IL31RA: variants seen among roughly 807,000 people sequenced by gnomAD.
The protein encoded by IL31RA is interleukin-31 receptor subunit alpha.
Under a neutral mutation model 83.7 loss-of-function variants are expected in IL31RA, and 66 were observed. The observed-to-expected ratio is 0.79, with a 90% confidence interval of 0.65 to 0.97. The LOEUF is 0.97. IL31RA is among the 50% of genes least tolerant of loss of function. The pLI is 0.00. For missense variants in IL31RA, 798 were observed against 919.4 expected, an observed-to-expected ratio of 0.87 and a Z score of 1.71; for synonymous variants, 325 against 329.0, an observed-to-expected ratio of 0.99 and a Z score of 0.13.
chr5:55,916,601 G>T, intron 14 of IL31RA, 43 bp from the exon 15 acceptor site: 1 of 1,550,604 alleles, frequency 6.4e-7, no homozygotes, highest in South Asian at 1.1e-5. Flanking sequence ...TGTCATATGT[G>T]ACTCCTAAAT....
chr5:55,899,837 A>G lies in IL31RA; in HGVS notation c.853-79A>G, dbSNP rs567937610. The G allele has an allele frequency of 5.3e-5, 50 of 952,282 alleles. No individual in the cohort carries two copies. The South Asian group carries it at 6.6e-4, about 13-fold the overall frequency. 59.0% of individuals were successfully genotyped at this position (952,282 alleles called of 1,614,324 possible). A position where few individuals can be genotyped will look rare whatever the true frequency, so the allele number is the denominator to read the frequency against. The stretch of plus-strand genomic sequence containing the variant: ...ATAGTTAGCCTTATTCCCCACCCTC[A>G]CCCCCACCGCTTCTCACTGTCTCAA... On this transcript the variant is annotated intron_variant, in intron 7 of 14. Transcript: ENST00000652347.
chr5:55,912,698 G>A (rs1749567299), intron 12 of IL31RA, among the ~76,000 whole-genome samples: 1 of 152,324 alleles, frequency 6.6e-6, no homozygotes, highest in Admixed American at 6.5e-5. Context: ...CAGGGTGGCT[G>A]GGGCAGGAGA....
Position 55,922,387 on chromosome 5 carries a change from C to A in IL31RA, c.*5267C>A. On this transcript the variant is annotated 3_prime_UTR_variant, in exon 15 of 15. Transcript: ENST00000652347. ...AGTGAGATACTTGTACTATGCATTT[C>A]ATTTTTAGGACTAGAATTCTGTCTT... 6.5e-7 allele frequency: 1 copy of A among 1,549,896 alleles called. No individual in the cohort carries two copies. Among genetic ancestry groups the A allele is most frequent in the Middle Eastern group, 1.7e-4 (1 of 5,994 alleles).
At chr5:55,906,368 G>A in intron 9 of IL31RA, 80 bp downstream of exon 9, 1 of 1,343,986 alleles carries the variant, frequency 7.4e-7, no homozygotes, top group Non-Finnish European at 1.1e-6. Flanking sequence ...TTTAACTTTG[G>A]CTTCAAAGCT....
chr5:55,882,613 G>GAGAGAAAT (rs1176129995), intron 4 of IL31RA, among the ~76,000 whole-genome samples: 3 of 152,154 alleles, frequency 2.0e-5, no homozygotes, highest in African/African-American at 7.2e-5. Context: ...AGAAATTTAA[G>GAGAGAAAT]GCTAAAATGT....
chr5:55,851,638 G>A lies in IL31RA; in HGVS notation c.63+5G>A, dbSNP rs1460528753. 3 of 1,613,724 alleles carry A rather than the reference G, an allele frequency of 1.9e-6. No homozygotes were observed. The highest frequency in any genetic ancestry group is 1.7e-5 in the Admixed American group (1 of 59,990). ...TGTGAATGTCCGCAAAACATTGTGA[G>A]TATTGATTTGGGGGGTTACAAATAA... On this transcript the variant is annotated splice_donor_5th_base_variant and intron_variant, in intron 1 of 14. Coordinates refer to ENST00000652347, the MANE Select transcript of IL31RA (RefSeq NM_139017.7).
intron 6 of IL31RA, among the ~76,000 whole-genome samples, chr5:55,892,022 G>A (rs534684193): frequency 2.6e-5 from 4 of 151,946 alleles, no homozygotes; most frequent in African/African-American, 9.7e-5. Context: ...TGATCTGCCC[G>A]CCTCAGCCTC....
chr5:55,879,036 A>T (rs975082125), intron 4 of IL31RA, among the ~76,000 whole-genome samples: 5 of 152,088 alleles, frequency 3.3e-5, no homozygotes, highest in African/African-American at 1.2e-4. Context: ...GTATGTCTGC[A>T]TACATAATCT....
At chr5:55,878,385 T>C (rs567932938) in intron 4 of IL31RA, among the ~76,000 whole-genome samples, 115 of 152,320 alleles carry the variant, frequency 7.5e-4, no homozygotes, top group African/African-American at 2.6e-3. Flanking sequence ...TTTACTTAAA[T>C]GGGCCATGTT....
chr5:55,854,740 G>A (rs1264701971), intron 1 of IL31RA, among the ~76,000 whole-genome samples: 11 of 102,682 alleles, frequency 1.1e-4, no homozygotes, highest in Admixed American at 8.1e-4. Flanking sequence ...GTGAGACCCC[G>A]TCTCCAGAAA....
intron 11 of IL31RA, among the ~76,000 whole-genome samples, chr5:55,909,809 A>G (rs62361952): frequency 2.0e-5 from 3 of 151,466 alleles, no homozygotes; most frequent in Non-Finnish European, 4.4e-5. Context: ...GGTTCAAGCG[A>G]TTCTCCTGCC....
intron 5 of IL31RA, among the ~76,000 whole-genome samples, chr5:55,886,785 T>C (rs181110008): frequency 2.0e-5 from 3 of 152,344 alleles, no homozygotes; most frequent in East Asian, 3.9e-4. Context: ...CCTTGCATCA[T>C]GTTCTCTCAC....
intron 6 of IL31RA, among the ~76,000 whole-genome samples, chr5:55,896,056 C>A (rs1191358405): frequency 6.6e-6 from 1 of 152,152 alleles, no homozygotes; most frequent in African/African-American, 2.4e-5. Flanking sequence ...ACATTTTGAT[C>A]TAGATTTGGG....
chr5:55,901,735 C>A (rs1748830591), intron 8 of IL31RA, among the ~76,000 whole-genome samples: 1 of 151,998 alleles, frequency 6.6e-6, no homozygotes, highest in African/African-American at 2.4e-5. Context: ...CCTGCCTCAG[C>A]CTCCTGAGTA....
At chr5:55,916,380 C>CA (rs35984249) in intron 14 of IL31RA, among the ~76,000 whole-genome samples, 114,709 of 144,688 alleles carry the variant, frequency 0.79, 45,252 homozygotes, top group Non-Finnish European at 0.82. Flanking sequence ...GACCCTGTCT[C>CA]AAAAAAAAAA....
chr5:55,892,192 T>C (rs1338951297), intron 6 of IL31RA, among the ~76,000 whole-genome samples: 1 of 152,212 alleles, frequency 6.6e-6, no homozygotes, highest in East Asian at 1.9e-4. Context: ...AATTTTAAAA[T>C]GCCCACCCTT....
At chr5:55,889,407 A>G (rs1747839727) in intron 5 of IL31RA, among the ~76,000 whole-genome samples, 1 of 152,242 alleles carries the variant, frequency 6.6e-6, no homozygotes, top group South Asian at 2.1e-4. Context: ...GGTCACCCAA[A>G]GACCAGTGCT....
Position 55,851,437 on chromosome 5 carries a change from TA to T in IL31RA, c.-130del. On this transcript the variant is annotated 5_prime_UTR_variant, in exon 1 of 15. Transcript: ENST00000652347. ...GCATTCGAAACAGCAAAATCACTCA[TA>T]AAAGGCAAAAAATTGCAAAAAAAAA... is the stretch of plus-strand genomic sequence containing the variant. 6.4e-7 allele frequency: 1 copy of T among 1,562,538 alleles called. No homozygotes were observed. Among genetic ancestry groups the T allele is most frequent in the Non-Finnish European group, 8.7e-7 (1 of 1,147,886 alleles).
chr5:55,916,576 A>G lies in IL31RA; in HGVS notation c.1819-68A>G. The G allele has an allele frequency of 4.4e-6, 6 of 1,349,210 alleles. No individual in the cohort carries two copies. The South Asian group carries it at 5.9e-5, about 13-fold the overall frequency. 83.6% of individuals were successfully genotyped at this position (1,349,210 alleles called of 1,614,324 possible). A position where few individuals can be genotyped will look rare whatever the true frequency, so the allele number is the denominator to read the frequency against. On this transcript the variant is annotated intron_variant, in intron 14 of 14. Transcript: ENST00000652347. The stretch of plus-strand genomic sequence containing the variant: ...ATGGGCATTTGCTGTCCCAAGCCTA[A>G]CGAGTTTTTGGCTATGTCATATGTG...
Sources: gnomAD v4.1 joint callset for allele counts (sites outside exome capture counted in the v4.1 genomes callset) on GRCh38, gnomAD v4.1.1 for gene constraint, MANE v1.5 for transcripts, NCBI Gene and HGNC (gene_info 2026-07-23, HGNC 2026-07-21) for gene names.